NLGN1: variants seen among roughly 807,000 people sequenced by gnomAD.
NLGN1 encodes the protein neuroligin-1.
A neutral mutation model predicts 65.5 loss-of-function variants in NLGN1; 12 were observed. The ratio of observed to expected loss-of-function variants is 0.18; its 90% confidence interval spans 0.12 to 0.30. The LOEUF (loss-of-function observed/expected upper bound fraction) is 0.30. NLGN1 is among the 10% of genes least tolerant of loss of function. The pLI is 1.00. For missense variants in NLGN1, 750 were observed against 1,007.1 expected (o/e 0.74, Z 3.46); for synonymous variants, 350 against 359.5 (o/e 0.97, Z 0.30).
At chr3:173,966,919 T>C (rs1434932191) in intron 4 of NLGN1, among the ~76,000 whole-genome samples, 3 of 152,206 alleles carry the variant, frequency 2.0e-5, no homozygotes, top group African/African-American at 7.2e-5. Flanking sequence ...GGTCTATAAA[T>C]GATGACAATG....
At chr3:174,005,785 G>C (rs1378640411) in intron 4 of NLGN1, among the ~76,000 whole-genome samples, 1 of 151,640 alleles carries the variant, frequency 6.6e-6, no homozygotes, top group Non-Finnish European at 1.5e-5. Flanking sequence ...AGGTGCCTGG[G>C]GTCTCTTTTA....
intron 2 of NLGN1, among the ~76,000 whole-genome samples, chr3:173,560,574 G>A (rs953862301): frequency 6.6e-6 from 1 of 151,784 alleles, no homozygotes; most frequent in Non-Finnish European, 1.5e-5. Context: ...TTTTAGGTTA[G>A]CACCAGTTTT....
chr3:173,978,714 G>A (rs1370591978), intron 4 of NLGN1, among the ~76,000 whole-genome samples: 1 of 151,616 alleles, frequency 6.6e-6, no homozygotes, highest in East Asian at 1.9e-4. Flanking sequence ...AGTAAAATGA[G>A]GCCGGGCATG....
intron 3 of NLGN1, among the ~76,000 whole-genome samples, chr3:173,721,060 C>T (rs957162351): frequency 6.6e-6 from 1 of 152,108 alleles, no homozygotes; most frequent in Non-Finnish European, 1.5e-5. Context: ...TTAAAGACTG[C>T]GTTTTGAGTG....
intron 4 of NLGN1, among the ~76,000 whole-genome samples, chr3:174,162,447 G>A (rs1433087482): frequency 2.0e-5 from 3 of 151,970 alleles, no homozygotes; most frequent in African/African-American, 7.2e-5. Context: ...TTTGAGAGCA[G>A]TTGCTTCACA....
chr3:173,961,137 C>G (rs1275212552), intron 4 of NLGN1, among the ~76,000 whole-genome samples: 1 of 152,012 alleles, frequency 6.6e-6, no homozygotes, highest in East Asian at 1.9e-4. Flanking sequence ...CCTATGTATA[C>G]TTTACTTTCC....
chr3:173,671,719 A>T (rs1339601368), intron 3 of NLGN1, among the ~76,000 whole-genome samples: 1 of 152,208 alleles, frequency 6.6e-6, no homozygotes, highest in South Asian at 2.1e-4. Flanking sequence ...AAATGGAGGC[A>T]CTGATATTTC....
intron 2 of NLGN1, among the ~76,000 whole-genome samples, chr3:173,530,311 G>C (rs1328811311): frequency 6.6e-6 from 1 of 152,114 alleles, no homozygotes; most frequent in Non-Finnish European, 1.5e-5. Context: ...TTCCCACTGT[G>C]ACTCTGAGGT....
chr3:173,800,508 T>C (rs1715230216), intron 3 of NLGN1, among the ~76,000 whole-genome samples: 1 of 151,776 alleles, frequency 6.6e-6, no homozygotes. Flanking sequence ...CATACAAATA[T>C]AGAGTATTAA....
At chr3:174,097,132 T>C (rs1745686283) in intron 4 of NLGN1, among the ~76,000 whole-genome samples, 1 of 152,138 alleles carries the variant, frequency 6.6e-6, no homozygotes, top group African/African-American at 2.4e-5. Flanking sequence ...GCTAGCTAGA[T>C]ATAAATGATT....
chr3:174,227,097 G>T (rs1739856862), intron 4 of NLGN1, among the ~76,000 whole-genome samples: 1 of 152,128 alleles, frequency 6.6e-6, no homozygotes, highest in African/African-American at 2.4e-5. Flanking sequence ...AATTGCATAA[G>T]CTTTGCATGA....
At chr3:173,740,112 CA>C (rs1774416152) in intron 3 of NLGN1, among the ~76,000 whole-genome samples, 1 of 151,950 alleles carries the variant, frequency 6.6e-6, no homozygotes, top group Non-Finnish European at 1.5e-5. Context: ...TATTAAGATT[CA>C]AAAATAGATA....
intron 4 of NLGN1, among the ~76,000 whole-genome samples, chr3:174,269,668 A>G (rs190905487): frequency 1.3e-5 from 2 of 152,034 alleles, no homozygotes; most frequent in East Asian, 3.9e-4. Context: ...CAAATTTCTC[A>G]TTGGGATCCT....
rs538781626 is a variant in NLGN1, at chr3:173,787,319, T to G, written c.494-20361T>G. On this transcript the variant is annotated intron_variant, in intron 3 of 6. Transcript: ENST00000457714. ...TTTCTATACTAAAATAAAAAGTCTG[T>G]GATATTCAGGACATGGCTGTTTATC... Among the ~76,000 whole-genome samples, 3 of 152,340 alleles carry G rather than the reference T, an allele frequency of 2.0e-5. No individual in the cohort carries two copies. The East Asian group carries it at 5.8e-4, about 29-fold the overall frequency.
chr3:173,443,218 G>A (rs1719529452), intron 2 of NLGN1, among the ~76,000 whole-genome samples: 1 of 151,092 alleles, frequency 6.6e-6, no homozygotes, highest in Admixed American at 6.6e-5. Context: ...TAGCCTGGGT[G>A]ATGGAGCAAG....
At chr3:174,151,637 A>C (rs558006670) in intron 4 of NLGN1, among the ~76,000 whole-genome samples, 9 of 152,274 alleles carry the variant, frequency 5.9e-5, no homozygotes, top group African/African-American at 2.2e-4. Flanking sequence ...GCCTTCTGAA[A>C]ACTTGCACAG....
chr3:173,930,230 G>A (rs186369502), intron 4 of NLGN1, among the ~76,000 whole-genome samples: 39 of 152,184 alleles, frequency 2.6e-4, no homozygotes, highest in Non-Finnish European at 2.1e-4. Flanking sequence ...AATGTAAATC[G>A]CATATTATTC....
chr3:174,226,526 TC>T (rs1373290162), intron 4 of NLGN1, among the ~76,000 whole-genome samples: 3 of 152,276 alleles, frequency 2.0e-5, no homozygotes, highest in Admixed American at 1.3e-4. Context: ...GATATGCCTT[TC>T]CATATTGCTG....
chr3:173,448,761 A>G (rs1720887082), intron 2 of NLGN1, among the ~76,000 whole-genome samples: 2 of 152,058 alleles, frequency 1.3e-5, no homozygotes. Context: ...GTCTATTCAG[A>G]GATTCAACTT....
Sources: gnomAD v4.1 joint callset for allele counts (sites outside exome capture counted in the v4.1 genomes callset) on GRCh38, gnomAD v4.1.1 for gene constraint, MANE v1.5 for transcripts, NCBI Gene and HGNC (gene_info 2026-07-23, HGNC 2026-07-21) for gene names.